Variants in CSMD1 observed in about 807,000 individuals in gnomAD.
The protein encoded by CSMD1 is CUB and sushi domain-containing protein 1.
In CSMD1, 213 loss-of-function variants were observed where a neutral mutation model predicts 417.5. The ratio of observed to expected loss-of-function variants is 0.51; its 90% CI spans 0.46 to 0.57. The LOEUF (loss-of-function observed/expected upper bound fraction) is 0.57, where lower values mean the gene tolerates loss of function less well. Among genes scored for constraint, CSMD1 ranks in the 20% least tolerant of loss-of-function variants. CSMD1 has a pLI of 0.00. For missense variants in CSMD1, 6,923 were observed against 4,529.7 expected (o/e 1.53, Z -15.17); for synonymous variants, 2,862 against 1,736.8 (o/e 1.65, Z -16.11).
chr8:2,974,709 C>G, intron 55 of CSMD1, 85 bp from the exon 56 acceptor site: 2 of 942,236 alleles, frequency 2.1e-6, no homozygotes, highest in Non-Finnish European at 3.0e-6. Context: ...GACACCCATA[C>G]TGACATCATG....
chr8:4,109,955 T>C (rs1230464980), intron 3 of CSMD1, among the ~76,000 whole-genome samples: 1 of 152,096 alleles, frequency 6.6e-6, no homozygotes, highest in East Asian at 1.9e-4. Flanking sequence ...TGGTGAATAA[T>C]ACTCTATGAA....
intron 26 of CSMD1, among the ~76,000 whole-genome samples, chr8:3,240,799 A>G (rs1233842469): frequency 6.6e-6 from 1 of 152,188 alleles, no homozygotes; most frequent in Non-Finnish European, 1.5e-5. Flanking sequence ...AATCTGGTTG[A>G]TAAGGCGCAG....
intron 5 of CSMD1, among the ~76,000 whole-genome samples, chr8:3,844,529 G>C (rs1803356931): frequency 6.6e-6 from 1 of 152,140 alleles, no homozygotes; most frequent in Non-Finnish European, 1.5e-5. Flanking sequence ...TCTTTTAGCA[G>C]AATTGTCACA....
intron 6 of CSMD1, among the ~76,000 whole-genome samples, chr8:3,731,662 C>G (rs568572076): frequency 6.6e-6 from 1 of 152,138 alleles, no homozygotes; most frequent in Non-Finnish European, 1.5e-5. Flanking sequence ...ATGCTCGGTA[C>G]TGGGAGGTCA....
Position 3,408,081 on chromosome 8 carries a change from T to G in CSMD1, c.1889A>C (p.Asp630Ala), listed in dbSNP as rs1812462547. Residue 630 changes from aspartate (D) to alanine (A), a missense_variant, in exon 14 of 70, where the codon GAT (aspartate) becomes GCT (alanine). Asp to Ala is a moderately radical substitution (Grantham distance 126). Transcript: ENST00000635120. The stretch of plus-strand genomic sequence containing the variant: ...GAGAAAGTCAAACTGAGGCTCAACA[T>G]CAAAATCATTAAAGATTAGGTGAAT... ...SRIHLIFNDFDVEPQFDFLAV... is the reference protein window; with the variant it reads ...SRIHLIFNDFAVEPQFDFLAV... 2 of 1,613,722 alleles carry G rather than the reference T, an allele frequency of 1.2e-6. No homozygotes were observed. The highest frequency in any genetic ancestry group is 1.3e-5 in the African/African-American group (1 of 74,860).
rs184586625 is a variant in CSMD1, at chr8:4,052,540, G to T, written c.416-20441C>A. Among the ~76,000 whole-genome samples the T allele has an allele frequency of 3.3e-5, 5 of 152,116 alleles. No homozygotes were observed. In the East Asian group the frequency reaches 9.7e-4, roughly 30 times the overall value. ...AAATTTAGTTTGCTAGAACGTCAAT[G>T]CACCAAATTTGAGGAAGCAAGCTGA... On this transcript the variant is annotated intron_variant, in intron 3 of 69. Coordinates refer to ENST00000635120, the MANE Select transcript of CSMD1 (RefSeq NM_033225.6).
intron 3 of CSMD1, among the ~76,000 whole-genome samples, chr8:4,062,971 G>C (rs142703338): frequency 6.6e-6 from 1 of 151,948 alleles, no homozygotes; most frequent in Non-Finnish European, 1.5e-5. Context: ...CCAGATAAAG[G>C]AATAAGGAAA....
chr8:3,843,159 T>C (rs1337256355), intron 5 of CSMD1, among the ~76,000 whole-genome samples: 1 of 152,198 alleles, frequency 6.6e-6, no homozygotes, highest in Non-Finnish European at 1.5e-5. Flanking sequence ...CAATTCTCAA[T>C]TTTTCACTGT....
chr8:3,758,822 G>C (rs184029259), intron 5 of CSMD1, among the ~76,000 whole-genome samples: 6 of 152,250 alleles, frequency 3.9e-5, no homozygotes, highest in African/African-American at 9.6e-5. Context: ...CGCTTACTGA[G>C]CTTGGGATGG....
intron 3 of CSMD1, among the ~76,000 whole-genome samples, chr8:4,124,563 C>A (rs537350806): frequency 3.3e-5 from 5 of 152,248 alleles, no homozygotes; most frequent in East Asian, 3.9e-4. Context: ...TGGCCACCTG[C>A]GCCCGGTAGT....
At chr8:3,660,300 G>C (rs183351654) in intron 7 of CSMD1, among the ~76,000 whole-genome samples, 2 of 152,074 alleles carry the variant, frequency 1.3e-5, no homozygotes, top group East Asian at 3.9e-4. Context: ...TCTGTGAAGC[G>C]GGATGGTAAC....
At chr8:3,763,931 A>C (rs1798137098) in intron 5 of CSMD1, among the ~76,000 whole-genome samples, 1 of 152,136 alleles carries the variant, frequency 6.6e-6, no homozygotes, top group African/African-American at 2.4e-5. Flanking sequence ...TATGGGAATC[A>C]AAAGATCCCA....
intron 3 of CSMD1, among the ~76,000 whole-genome samples, chr8:4,191,689 G>C (rs998202456): frequency 1.3e-4 from 19 of 148,164 alleles, no homozygotes; most frequent in Non-Finnish European, 2.4e-4. Context: ...TCAGTTCTTT[G>C]TGCCTTTACC....
intron 15 of CSMD1, among the ~76,000 whole-genome samples, chr8:3,403,224 C>G (rs1812144079): frequency 6.6e-6 from 1 of 152,172 alleles, no homozygotes; most frequent in Admixed American, 6.5e-5. Context: ...TAAGAGTATT[C>G]TGTAAGGGAT....
chr8:4,520,258 G>A (rs984031168), intron 2 of CSMD1, among the ~76,000 whole-genome samples: 6 of 152,034 alleles, frequency 3.9e-5, no homozygotes, highest in African/African-American at 1.4e-4. Flanking sequence ...GATTTCACAT[G>A]GACATAGTTG....
chr8:2,961,065 G>T, intron 62 of CSMD1, 76 bp downstream of exon 62: 4 of 923,818 alleles, frequency 4.3e-6, no homozygotes, highest in Admixed American at 2.8e-5. Flanking sequence ...ATATAAAAAA[G>T]CACTCACATA....
intron 2 of CSMD1, among the ~76,000 whole-genome samples, chr8:4,437,635 T>C (rs1798221619): frequency 1.3e-5 from 2 of 152,214 alleles, no homozygotes; most frequent in African/African-American, 4.8e-5. Flanking sequence ...CCTTTCCAGA[T>C]CCCAGAGTCA....
intron 1 of CSMD1, among the ~76,000 whole-genome samples, chr8:4,772,392 G>C (rs901507996): frequency 1.3e-5 from 2 of 152,132 alleles, no homozygotes; most frequent in African/African-American, 4.8e-5. Context: ...TGAGTGGTTA[G>C]GTTGGGTCCA....
chr8:3,269,491 A>C (rs1442526551), intron 26 of CSMD1, among the ~76,000 whole-genome samples: 1 of 152,256 alleles, frequency 6.6e-6, no homozygotes, highest in Non-Finnish European at 1.5e-5. Context: ...TGATGTTTTA[A>C]AATGAAAATG....
Sources: allele counts gnomAD v4.1 joint callset (sites outside exome capture counted in the v4.1 genomes callset), GRCh38; gene constraint gnomAD v4.1.1; transcripts MANE v1.5; gene names NCBI Gene and HGNC (gene_info 2026-07-23, HGNC 2026-07-21).